KBTBD12: variants seen among roughly 807,000 people sequenced by gnomAD.
The protein encoded by KBTBD12 is kelch repeat and BTB domain-containing protein 12.
KBTBD12 carries 53 observed loss-of-function variants against 58.7 expected under a neutral mutation model. The observed-to-expected ratio is 0.90, with a 90% CI of 0.72 to 1.14. The LOEUF is 1.14. Ranked by LOEUF, KBTBD12 falls within the 50% of genes most tolerant of loss-of-function variation. KBTBD12 has a pLI of 0.00. For missense variants in KBTBD12, 704 were observed against 751.3 expected, an observed-to-expected ratio of 0.94 and a Z score of 0.74; for synonymous variants, 236 against 259.8, an observed-to-expected ratio of 0.91 and a Z score of 0.88.
intron 4 of KBTBD12, among the ~76,000 whole-genome samples, chr3:127,957,098 C>A (rs1325090944): frequency 6.6e-6 from 1 of 152,168 alleles, no homozygotes; most frequent in Non-Finnish European, 1.5e-5. Flanking sequence ...TATGTACTAT[C>A]TTTCTTCCTT....
intron 4 of KBTBD12, among the ~76,000 whole-genome samples, chr3:127,935,315 A>T (rs1384890138): frequency 6.6e-6 from 1 of 152,140 alleles, no homozygotes; most frequent in East Asian, 1.9e-4. Context: ...ACAATATCAG[A>T]GAGTAGAGGA....
intron 3 of KBTBD12, among the ~76,000 whole-genome samples, chr3:127,928,642 C>T (rs992997162): frequency 5.3e-5 from 8 of 152,294 alleles, no homozygotes; most frequent in Admixed American, 3.3e-4. Context: ...CTTCTCCCTC[C>T]CCTCCGGATG....
chr3:127,983,292 T>C (rs1233014868), intron 5 of KBTBD12, among the ~76,000 whole-genome samples: 2 of 152,206 alleles, frequency 1.3e-5, no homozygotes, highest in Non-Finnish European at 2.9e-5. Context: ...GAGTTTGTTC[T>C]CTCTGAAACT....
Position 127,966,263 on chromosome 3 carries a change from A to G in KBTBD12, c.1690+2877A>G, listed in dbSNP as rs143216169. Among the ~76,000 whole-genome samples the G allele has an allele frequency of 1.1e-3, 172 of 152,320 alleles. 1 individual carries two copies. The highest frequency in any genetic ancestry group is 5.6e-3 in the East Asian group (29 of 5,186). Reference sequence around the variant, plus strand: ...TTCTCTGGGGGTCTGACCAGCCCCCAACTAAGGCAAAGCCAGATTACCCTG... The same window carrying G: ...TTCTCTGGGGGTCTGACCAGCCCCCGACTAAGGCAAAGCCAGATTACCCTG... On this transcript the variant is annotated intron_variant, in intron 5 of 5. Coordinates refer to ENST00000405109, the MANE Select transcript of KBTBD12 (RefSeq NM_207335.4).
At chr3:127,947,201 C>T (rs1940102651) in intron 4 of KBTBD12, among the ~76,000 whole-genome samples, 1 of 152,138 alleles carries the variant, frequency 6.6e-6, no homozygotes, top group Non-Finnish European at 1.5e-5. Flanking sequence ...GGAAAAGAAC[C>T]AGAGGCTCCT....
chr3:127,976,501 G>A (rs1006818203), intron 5 of KBTBD12, among the ~76,000 whole-genome samples: 2 of 152,010 alleles, frequency 1.3e-5, no homozygotes, highest in Non-Finnish European at 2.9e-5. Context: ...ATACATTCCC[G>A]GCTGGAATAT....
intron 1 of KBTBD12, among the ~76,000 whole-genome samples, chr3:127,917,461 T>C (rs899892044): frequency 9.9e-5 from 15 of 152,174 alleles, no homozygotes; most frequent in Non-Finnish European, 1.8e-4. Flanking sequence ...CCTTGTCCTT[T>C]TGGGGTTTTT....
chr3:127,939,054 G>A (rs1372027616), intron 4 of KBTBD12, among the ~76,000 whole-genome samples: 1 of 152,130 alleles, frequency 6.6e-6, no homozygotes. Flanking sequence ...GTCTGGCTCC[G>A]GCATGAGTTA....
chr3:127,923,258 A>G lies in KBTBD12; in HGVS notation c.197A>G (p.Glu66Gly). 1 of 1,613,854 alleles carries G rather than the reference A, an allele frequency of 6.2e-7. No homozygotes were observed. Among genetic ancestry groups the G allele is most frequent in the Non-Finnish European group, 8.5e-7 (1 of 1,179,794 alleles). The change falls in exon 2 of 6, where the codon GAA becomes GGA. Residue 66 changes from glutamate to glycine, a missense_variant. Glu to Gly is a moderately conservative substitution (Grantham distance 98). Transcript: ENST00000405109. ...FKAMFTCGLLECNQREVILYD... is the reference protein window; with the variant it reads ...FKAMFTCGLLGCNQREVILYD... Reference sequence around the variant, plus strand: ...GCTATGTTCACCTGTGGACTACTTGAATGTAATCAAAGGGAAGTCATACTT... The same window carrying G: ...GCTATGTTCACCTGTGGACTACTTGGATGTAATCAAAGGGAAGTCATACTT...
Position 127,923,542 on chromosome 3 carries a change from G to A in KBTBD12, c.481G>A (p.Ala161Thr). Residue 161 changes from alanine (A) to threonine (T), a missense_variant, in exon 2 of 6, where the codon GCC becomes ACC. Ala to Thr is a moderately conservative substitution (Grantham distance 58). Coordinates refer to ENST00000405109, the MANE Select transcript of KBTBD12 (RefSeq NM_207335.4). Reference sequence around the variant, plus strand: ...AAAGAAATATTTATATCAGCACTTTGCCGAGGTGAGCTTACATGAAGAAAT... The same window carrying A: ...AAAGAAATATTTATATCAGCACTTTACCGAGGTGAGCTTACATGAAGAAAT... ...RSKKYLYQHF[A>T]EVSLHEEILE... 1 of 1,612,872 alleles carries A rather than the reference G, an allele frequency of 6.2e-7. No homozygotes were observed. Among genetic ancestry groups the A allele is most frequent in the Non-Finnish European group, 8.5e-7 (1 of 1,179,570 alleles).
At chr3:127,974,058 A>G (rs1332859834) in intron 5 of KBTBD12, among the ~76,000 whole-genome samples, 2 of 152,222 alleles carry the variant, frequency 1.3e-5, no homozygotes, top group African/African-American at 2.4e-5. Context: ...TACACTGTCT[A>G]TATCATATAT....
rs1373580285 is a variant in KBTBD12 at position 127,923,968 on chromosome 3, C to G, written c.907C>G (p.Pro303Ala). ...SYGDASFCYDPVSRKTYFISS... is the reference protein window; with the variant it reads ...SYGDASFCYDAVSRKTYFISS... ...TGGGGATGCCAGTTTTTGTTATGAT[C>G]CTGTATCACGGAAAACCTATTTCAT... The change falls in exon 2 of 6, where the codon CCT becomes GCT. Residue 303 changes from proline (P) to alanine (A), a missense_variant. Coordinates refer to ENST00000405109, the MANE Select transcript of KBTBD12 (RefSeq NM_207335.4). 7.4e-6 allele frequency: 12 copies of G among 1,613,848 alleles called. No homozygotes were observed. The South Asian group carries it at 1.1e-4, about 15-fold the overall frequency.
chr3:127,954,469 A>G (rs1421021011), intron 4 of KBTBD12, among the ~76,000 whole-genome samples: 1 of 152,242 alleles, frequency 6.6e-6, no homozygotes, highest in Non-Finnish European at 1.5e-5. Context: ...TTAGAAAAGA[A>G]GTTTGCATGT....
At chr3:127,964,419 G>A (rs1288162182) in intron 5 of KBTBD12, among the ~76,000 whole-genome samples, 1 of 151,690 alleles carries the variant, frequency 6.6e-6, no homozygotes, top group East Asian at 1.9e-4. Context: ...AGATCACAAG[G>A]TCAGGAGTTT....
chr3:127,916,012 T>A (rs942849654), intron 1 of KBTBD12, among the ~76,000 whole-genome samples: 10 of 152,250 alleles, frequency 6.6e-5, no homozygotes, highest in African/African-American at 2.4e-4. Flanking sequence ...AATGTATCCC[T>A]GAGCAACTCT....
intron 5 of KBTBD12, among the ~76,000 whole-genome samples, chr3:127,978,820 C>T (rs1375876786): frequency 6.6e-6 from 1 of 152,202 alleles, no homozygotes; most frequent in Non-Finnish European, 1.5e-5. Context: ...GGAAAGTGTG[C>T]ATCAGAGCAA....
chr3:127,984,557 C>T lies in KBTBD12; in HGVS notation c.*279C>T. On this transcript the variant is annotated 3_prime_UTR_variant, in exon 6 of 6. Coordinates refer to ENST00000405109, the MANE Select transcript of KBTBD12 (RefSeq NM_207335.4). ...AGAGCAGCAGAGGGAGGGTCTCACT[C>T]TGCTGGGGACCCATGAACAGCACTG... is the stretch of plus-strand genomic sequence containing the variant. 3.3e-6 allele frequency: 1 copy of T among 306,122 alleles called. No individual in the cohort carries two copies. Among genetic ancestry groups the T allele is most frequent in the Non-Finnish European group, 6.1e-6 (1 of 163,006 alleles). The allele number at this position is 306,122 out of a possible 1,614,324, so 19.0% of individuals were successfully genotyped here.
chr3:127,946,792 C>T (rs778209928), intron 4 of KBTBD12, among the ~76,000 whole-genome samples: 11 of 152,130 alleles, frequency 7.2e-5, no homozygotes, highest in Admixed American at 2.0e-4. Flanking sequence ...TGTGTCTCTT[C>T]GGGTCTTACT....
chr3:127,929,627 A>G (rs1319138009), intron 3 of KBTBD12, among the ~76,000 whole-genome samples: 1 of 152,166 alleles, frequency 6.6e-6, no homozygotes, highest in Non-Finnish European at 1.5e-5. Context: ...CCATTCCTAT[A>G]TAGGCCATAA....
Sources: gnomAD v4.1 joint callset for allele counts (sites outside exome capture counted in the v4.1 genomes callset) on GRCh38, gnomAD v4.1.1 for gene constraint, MANE v1.5 for transcripts, NCBI Gene and HGNC (gene_info 2026-07-23, HGNC 2026-07-21) for gene names.